PIK3C2G: variants seen among roughly 807,000 people sequenced by gnomAD.
PIK3C2G encodes the protein phosphatidylinositol-4-phosphate 3-kinase catalytic subunit type 2 gamma.
In PIK3C2G, 168 loss-of-function variants were observed where a neutral mutation model predicts 181.1. The observed-to-expected ratio is 0.93, with a 90% CI of 0.82 to 1.05. PIK3C2G has a LOEUF of 1.05. Ranked by LOEUF, PIK3C2G falls within the 50% of genes least tolerant of loss-of-function variation. The pLI is 0.00. For synonymous variants in PIK3C2G, 573 were observed against 592.2 expected, an observed-to-expected ratio of 0.97 and a Z score of 0.47; for missense variants, 1,869 against 1,732.8, an observed-to-expected ratio of 1.08 and a Z score of -1.40.
chr12:18,688,553 C>G, the PIK3C2G span, among the ~76,000 whole-genome samples: 2 of 146,882 alleles, frequency 1.4e-5, no homozygotes, highest in African/African-American at 5.0e-5. Flanking sequence ...TTTTTGAATT[C>G]ATATATATAT....
chr12:18,628,594 T>C (rs1216233191), intron 31 of PIK3C2G, among the ~76,000 whole-genome samples: 3 of 152,198 alleles, frequency 2.0e-5, no homozygotes, highest in Non-Finnish European at 4.4e-5. Flanking sequence ...GAATTACTAA[T>C]ATGCATCATA....
chr12:18,646,325 A>G (rs1212238831), intron 32 of PIK3C2G, among the ~76,000 whole-genome samples: 1 of 152,222 alleles, frequency 6.6e-6, no homozygotes, highest in Non-Finnish European at 1.5e-5. Context: ...AGAAAACTAA[A>G]CCATAATCTC....
At chr12:18,377,433 C>A (rs1942529365) in intron 13 of PIK3C2G, among the ~76,000 whole-genome samples, 1 of 152,080 alleles carries the variant, frequency 6.6e-6, no homozygotes, top group Non-Finnish European at 1.5e-5. Context: ...ATTAAAAAGT[C>A]TCAAAGTGTA....
At chr12:18,444,151 CCAAA>C (rs2135845465) in intron 18 of PIK3C2G, among the ~76,000 whole-genome samples, 1 of 152,262 alleles carries the variant, frequency 6.6e-6, no homozygotes, top group African/African-American at 2.4e-5. Flanking sequence ...CCATTCTCCT[CCAAA>C]CACACTATAA....
At chr12:18,303,715 C>T (rs1450111763) in intron 5 of PIK3C2G, among the ~76,000 whole-genome samples, 1 of 152,104 alleles carries the variant, frequency 6.6e-6, no homozygotes, top group East Asian at 1.9e-4. Flanking sequence ...CTATGTAAAA[C>T]AATAAAATTT....
chr12:18,551,247 A>G (rs2136290806), intron 26 of PIK3C2G, among the ~76,000 whole-genome samples: 1 of 152,176 alleles, frequency 6.6e-6, no homozygotes, highest in Admixed American at 6.5e-5. Flanking sequence ...CTGCAAATTG[A>G]TACTCTCATG....
the PIK3C2G span, among the ~76,000 whole-genome samples, chr12:18,673,312 A>G: frequency 5.9e-5 from 9 of 152,196 alleles, no homozygotes; most frequent in Non-Finnish European, 1.0e-4. Flanking sequence ...GAAATAGTAT[A>G]TAAGTTATTG....
chr12:18,375,574 G>C (rs1942376950), intron 13 of PIK3C2G, among the ~76,000 whole-genome samples: 1 of 152,220 alleles, frequency 6.6e-6, no homozygotes, highest in East Asian at 1.9e-4. Flanking sequence ...GAAAGAAAAA[G>C]CATTATCAGG....
At chr12:18,707,267 T>C in the PIK3C2G span, among the ~76,000 whole-genome samples, 41 of 152,298 alleles carry the variant, frequency 2.7e-4, no homozygotes, top group African/African-American at 9.4e-4. Context: ...TACACAATGA[T>C]CTTCTGAATT....
intron 30 of PIK3C2G, among the ~76,000 whole-genome samples, chr12:18,602,682 C>G (rs1947799681): frequency 6.6e-6 from 1 of 152,088 alleles, no homozygotes; most frequent in Non-Finnish European, 1.5e-5. Flanking sequence ...GACCCACAGA[C>G]AGTTCACATC....
intron 24 of PIK3C2G, among the ~76,000 whole-genome samples, chr12:18,523,621 T>C (rs573745108): frequency 4.6e-5 from 7 of 152,344 alleles, no homozygotes; most frequent in African/African-American, 1.7e-4. Flanking sequence ...CCTCCATGGG[T>C]AACTGCTAAT....
chr12:18,572,036 A>G (rs1270155119), intron 29 of PIK3C2G, among the ~76,000 whole-genome samples: 1 of 150,142 alleles, frequency 6.7e-6, no homozygotes, highest in Non-Finnish European at 1.5e-5. Context: ...ACATTAAACT[A>G]TGTGTCTTTG....
chr12:18,393,401 C>G (rs923444328), intron 15 of PIK3C2G, among the ~76,000 whole-genome samples: 1 of 152,006 alleles, frequency 6.6e-6, no homozygotes, highest in Non-Finnish European at 1.5e-5. Context: ...CCCAGTACCA[C>G]ATTTTATCAT....
At chr12:18,513,791 C>G (rs1389410942) in intron 24 of PIK3C2G, among the ~76,000 whole-genome samples, 1 of 151,476 alleles carries the variant, frequency 6.6e-6, no homozygotes, top group Non-Finnish European at 1.5e-5. Context: ...TTTTGTTTAT[C>G]TTTTCAAAAA....
At chr12:18,420,007 G>A (rs1945389059) in intron 16 of PIK3C2G, among the ~76,000 whole-genome samples, 1 of 152,072 alleles carries the variant, frequency 6.6e-6, no homozygotes, top group Non-Finnish European at 1.5e-5. Context: ...CATTCAGTTA[G>A]TTGTCTACAA....
chr12:18,444,706 T>C (rs1946933400), intron 18 of PIK3C2G, among the ~76,000 whole-genome samples: 1 of 152,196 alleles, frequency 6.6e-6, no homozygotes, highest in African/African-American at 2.4e-5. Context: ...TTGAACTGAT[T>C]TGACGTTTTA....
At chr12:18,576,628 A>G (rs1433551194) in intron 29 of PIK3C2G, among the ~76,000 whole-genome samples, 1 of 152,216 alleles carries the variant, frequency 6.6e-6, no homozygotes, top group Non-Finnish European at 1.5e-5. Flanking sequence ...GTGCATTCTC[A>G]ATATAAAATT....
Position 18,264,653 on chromosome 12 carries a change from AT to A in PIK3C2G, c.-79+3087del, listed in dbSNP as rs796990323. Among the ~76,000 whole-genome samples the A allele has an allele frequency of 6.3e-3, 930 of 147,638 alleles. 5 individuals are homozygous for A. Among genetic ancestry groups the A allele is most frequent in the African/African-American group, 0.021 (844 of 40,456 alleles). On this transcript the variant is annotated intron_variant, in intron 1 of 32. Coordinates refer to ENST00000538779, the MANE Select transcript of PIK3C2G (RefSeq NM_001288772.2). ...TATTGTGCATCTTTGAATAGGAGTAATTTTTTTTTTTCTGGAGACAGCTACT... is the reference window on the plus strand; with the variant it reads ...TATTGTGCATCTTTGAATAGGAGTAATTTTTTTTTTCTGGAGACAGCTACT...
intron 16 of PIK3C2G, among the ~76,000 whole-genome samples, chr12:18,410,238 G>A (rs1413651927): frequency 2.6e-5 from 4 of 152,132 alleles, no homozygotes; most frequent in South Asian, 4.1e-4. Context: ...AGTGGCTCAC[G>A]CCTATAATCC....
Sources: allele counts gnomAD v4.1 joint callset (sites outside exome capture counted in the v4.1 genomes callset), GRCh38; gene constraint gnomAD v4.1.1; transcripts MANE v1.5; gene names NCBI Gene and HGNC (gene_info 2026-07-23, HGNC 2026-07-21).